The following SORCS2 variants were observed in gnomAD, a reference collection of about 807,000 sequenced individuals.
SORCS2 encodes the protein VPS10 domain-containing receptor SorCS2.
Under a neutral mutation model 141.6 loss-of-function variants are expected in SORCS2, and 100 were observed. The ratio of observed to expected loss-of-function variants is 0.71; its 90% CI spans 0.60 to 0.83. The LOEUF is 0.83. SORCS2 is among the 40% of genes least tolerant of loss of function. The pLI is 0.00. For missense variants in SORCS2, 1,646 were observed against 1,560.2 expected (o/e 1.05, Z -0.93); for synonymous variants, 789 against 676.9 (o/e 1.17, Z -2.57).
intron 3 of SORCS2, among the ~76,000 whole-genome samples, chr4:7,623,423 G>C (rs1001685277): frequency 1.3e-4 from 20 of 151,962 alleles, no homozygotes; most frequent in African/African-American, 4.1e-4. Flanking sequence ...GCACTTTGCT[G>C]TCTGGTCCTC....
intron 2 of SORCS2, among the ~76,000 whole-genome samples, chr4:7,406,093 CCA>C (rs1724951901): frequency 6.6e-6 from 1 of 152,036 alleles, no homozygotes; most frequent in Non-Finnish European, 1.5e-5. Flanking sequence ...GGTACAAAAT[CCA>C]CTTGATTGTG....
chr4:7,679,807 G>T (rs1723399836), intron 9 of SORCS2, among the ~76,000 whole-genome samples: 2 of 150,716 alleles, frequency 1.3e-5, no homozygotes, highest in African/African-American at 4.9e-5. Flanking sequence ...TGTGATATGG[G>T]CAGTTATGCA....
chr4:7,474,793 A>G (rs1396041560), intron 2 of SORCS2, among the ~76,000 whole-genome samples: 1 of 152,186 alleles, frequency 6.6e-6, no homozygotes, highest in Admixed American at 6.5e-5. Flanking sequence ...AAAGCAACAG[A>G]CATTTATCCT....
intron 2 of SORCS2, among the ~76,000 whole-genome samples, chr4:7,439,538 C>A (rs1727521528): frequency 6.6e-6 from 1 of 152,214 alleles, no homozygotes; most frequent in African/African-American, 2.4e-5. Context: ...AGTCAAGGGG[C>A]AGAATGGTCC....
chr4:7,643,961 G>A (rs1720895538), intron 4 of SORCS2, among the ~76,000 whole-genome samples: 1 of 152,172 alleles, frequency 6.6e-6, no homozygotes, highest in African/African-American at 2.4e-5. Flanking sequence ...TTAGCAATGA[G>A]AAGCCCTCAC....
At chr4:7,732,504 C>T (rs1178297033) in intron 23 of SORCS2, among the ~76,000 whole-genome samples, 1 of 152,160 alleles carries the variant, frequency 6.6e-6, no homozygotes, top group African/African-American at 2.4e-5. Context: ...TGCCTTTTGG[C>T]CCCTGCCCTC....
At chr4:7,292,557 A>G (rs897113830) in intron 1 of SORCS2, among the ~76,000 whole-genome samples, 2 of 152,120 alleles carry the variant, frequency 1.3e-5, no homozygotes, top group Admixed American at 6.5e-5. Flanking sequence ...AAAAGATTGT[A>G]TTTCTTTGGG....
chr4:7,467,224 A>G (rs1411697890), intron 2 of SORCS2, among the ~76,000 whole-genome samples: 2 of 152,146 alleles, frequency 1.3e-5, no homozygotes, highest in Non-Finnish European at 1.5e-5. Context: ...AAGCTGCCAG[A>G]CATGGGCGAA....
In SORCS2 at chr4:7,413,391, C is replaced by CTTTTTTTTTTTTTTTTTTTTTTTTT. The variant is rs34379092; in HGVS notation, c.548+17056_548+17057insTTTTTTTTTTTTTTTTTTTTTTTTT. ...ATGATCCTCCGTATTTTCACAGCTG[C>CTTTTTTTTTTTTTTTTTTTTTTTTT]TTTTTTTTTTTTTTTTTTTTGAGAT... On this transcript the variant is annotated intron_variant, in intron 2 of 26. Coordinates refer to ENST00000507866, the MANE Select transcript of SORCS2 (RefSeq NM_020777.3). Among the ~76,000 whole-genome samples the CTTTTTTTTTTTTTTTTTTTTTTTTT allele has an allele frequency of 9.4e-5, 8 of 84,820 alleles. 2 individuals carry two copies. Among genetic ancestry groups the CTTTTTTTTTTTTTTTTTTTTTTTTT allele is most frequent in the Non-Finnish European group, 1.8e-4 (8 of 45,604 alleles). 55.6% of individuals were successfully genotyped at this position (84,820 alleles called of 152,430 possible).
intron 1 of SORCS2, among the ~76,000 whole-genome samples, chr4:7,346,314 TTTTG>T (rs1292973365): frequency 6.6e-6 from 1 of 152,242 alleles, no homozygotes. Context: ...TTTGGAAATC[TTTTG>T]TTTATTTTTC....
intron 3 of SORCS2, among the ~76,000 whole-genome samples, chr4:7,631,961 A>G (rs776498689): frequency 6.6e-6 from 1 of 152,212 alleles, no homozygotes; most frequent in Non-Finnish European, 1.5e-5. Flanking sequence ...AGGTGCAAGG[A>G]TACCATTGGC....
chr4:7,713,209 G>A (rs1003880526), intron 15 of SORCS2, among the ~76,000 whole-genome samples: 2 of 152,176 alleles, frequency 1.3e-5, no homozygotes, highest in African/African-American at 2.4e-5. Context: ...GGGTCTGGGT[G>A]TGGAGTGGGG....
intron 2 of SORCS2, among the ~76,000 whole-genome samples, chr4:7,415,187 G>A (rs1204861845): frequency 2.6e-5 from 4 of 152,330 alleles, no homozygotes; most frequent in South Asian, 2.1e-4. Flanking sequence ...CATGGCTGCC[G>A]TAAAAATGAC....
At chr4:7,621,002 G>T (rs1000191262) in intron 3 of SORCS2, among the ~76,000 whole-genome samples, 8 of 152,076 alleles carry the variant, frequency 5.3e-5, no homozygotes, top group African/African-American at 1.9e-4. Context: ...GGGAGGCAGT[G>T]GCTGGCAGGC....
chr4:7,354,702 GAGAGAA>G (rs1178992621), intron 1 of SORCS2, among the ~76,000 whole-genome samples: 1 of 152,166 alleles, frequency 6.6e-6, no homozygotes, highest in African/African-American at 2.4e-5. Context: ...AAAAGTGAGA[GAGAGAA>G]AGAGAGAGAG....
At chr4:7,281,182 G>A (rs1166811084) in intron 1 of SORCS2, among the ~76,000 whole-genome samples, 2 of 152,086 alleles carry the variant, frequency 1.3e-5, no homozygotes, top group Non-Finnish European at 2.9e-5. Context: ...GTTTTTTCTT[G>A]TCAGGCTCAC....
At chr4:7,628,271 C>G (rs1355936688) in intron 3 of SORCS2, among the ~76,000 whole-genome samples, 5 of 152,096 alleles carry the variant, frequency 3.3e-5, no homozygotes, top group African/African-American at 1.2e-4. Context: ...GCCTGTAATC[C>G]CAGCACCTTC....
At chr4:7,266,786 G>C (rs1453544298) in intron 1 of SORCS2, among the ~76,000 whole-genome samples, 1 of 152,194 alleles carries the variant, frequency 6.6e-6, no homozygotes, top group African/African-American at 2.4e-5. Context: ...TAAGACTCTG[G>C]CCACGTTCTG....
At chr4:7,249,456 A>G (rs970392522) in intron 1 of SORCS2, among the ~76,000 whole-genome samples, 5 of 152,164 alleles carry the variant, frequency 3.3e-5, no homozygotes, top group Non-Finnish European at 7.4e-5. Context: ...GTGGGCCGAG[A>G]AGTTGCAGAG....
Sources: gnomAD v4.1 joint callset for allele counts (sites outside exome capture counted in the v4.1 genomes callset) on GRCh38, gnomAD v4.1.1 for gene constraint, MANE v1.5 for transcripts, NCBI Gene and HGNC (gene_info 2026-07-23, HGNC 2026-07-21) for gene names.